ARHGEF9: variants seen among roughly 807,000 people sequenced by gnomAD.
ARHGEF9 encodes the protein rho guanine nucleotide exchange factor 9.
ARHGEF9 carries 2 observed loss-of-function variants against 41.3 expected under a neutral mutation model. The ratio of observed to expected loss-of-function variants is 0.05; its 90% CI spans 0.02 to 0.15. The LOEUF is 0.15. Among genes scored for constraint, ARHGEF9 ranks in the 10% least tolerant of loss-of-function variants. The pLI is 1.00. For synonymous variants in ARHGEF9, 160 were observed against 154.4 expected, an observed-to-expected ratio of 1.04 and a Z score of -0.27; for missense variants, 225 against 424.7, an observed-to-expected ratio of 0.53 and a Z score of 4.13.
chrX:63,635,487 C>G lies in ARHGEF9; in HGVS notation c.*2541G>C. 1 of 500,056 alleles carries G rather than the reference C, an allele frequency of 2.0e-6. No homozygotes were observed. Among genetic ancestry groups the G allele is most frequent in the South Asian group, 2.8e-5 (1 of 36,230 alleles). 41.2% of individuals were successfully genotyped at this position (500,056 alleles called of 1,213,427 possible). A position where few individuals can be genotyped will look rare whatever the true frequency, so the allele number is the denominator to read the frequency against. ...TGTCAGGACATAACAGGTTAGGATA[C>G]TGAACCCAGGTATTTAATTGGGCTC... is the stretch of plus-strand genomic sequence containing the variant. On this transcript the variant is annotated 3_prime_UTR_variant, in exon 10 of 10. Transcript: ENST00000671741.
intron 6 of ARHGEF9, among the ~76,000 whole-genome samples, chrX:63,670,038 C>T (rs1556353332): frequency 8.9e-6 from 1 of 111,800 alleles, no homozygotes; most frequent in African/African-American, 3.3e-5. Flanking sequence ...AGCTTATCTA[C>T]CTTCCTTCCT....
At chrX:63,772,475 T>A (rs782516494) in intron 1 of ARHGEF9, among the ~76,000 whole-genome samples, 1 of 112,074 alleles carries the variant, frequency 8.9e-6, no homozygotes, top group East Asian at 2.8e-4. Flanking sequence ...ATGTGCCTAG[T>A]ACTGCCATGC....
intron 8 of ARHGEF9, among the ~76,000 whole-genome samples, chrX:63,649,018 C>A (rs2048339052): frequency 9.0e-6 from 1 of 111,180 alleles, no homozygotes; most frequent in East Asian, 2.8e-4. Flanking sequence ...TTTAACACCC[C>A]ACTGTCAACA....
chrX:63,715,139 G>C (rs1241715850), intron 2 of ARHGEF9, among the ~76,000 whole-genome samples: 2 of 111,981 alleles, frequency 1.8e-5, no homozygotes, highest in Admixed American at 1.9e-4. Flanking sequence ...CTACCCCTAA[G>C]TCTTCTCCTT....
chrX:63,768,920 G>T (rs2056157432), intron 1 of ARHGEF9, among the ~76,000 whole-genome samples: 2 of 111,729 alleles, frequency 1.8e-5, no homozygotes, highest in African/African-American at 6.5e-5. Context: ...CCCAGTTTCA[G>T]GTATGTATGT....
At chrX:63,761,439 A>G (rs1367155630) in intron 1 of ARHGEF9, among the ~76,000 whole-genome samples, 3 of 112,023 alleles carry the variant, frequency 2.7e-5, no homozygotes, top group African/African-American at 9.7e-5. Flanking sequence ...ATTTTTAATG[A>G]CTGAATAACT....
At chrX:63,714,537 C>T (rs1315784105) in intron 2 of ARHGEF9, among the ~76,000 whole-genome samples, 2 of 111,707 alleles carry the variant, frequency 1.8e-5, no homozygotes, top group African/African-American at 3.3e-5. Flanking sequence ...GGTGAAGACT[C>T]GGGATCCTGA....
Position 63,785,160 on chromosome X carries a change from CCGGCTTCT to C in ARHGEF9, c.-23_-16del. The C allele has an allele frequency of 1.7e-6, 2 of 1,163,928 alleles. No individual in the cohort carries two copies. The highest frequency in any genetic ancestry group is 2.3e-4 in the Middle Eastern group (1 of 4,285). On this transcript the variant is annotated 5_prime_UTR_variant, in exon 1 of 10. Transcript: ENST00000671741. ...ATCCACTGCATGGTGCTTGCGAAGT[CCGGCTTCT>C]CTGAGGCCCCGTAGCTGGCGCGAGT...
intron 1 of ARHGEF9, among the ~76,000 whole-genome samples, chrX:63,759,297 A>T (rs1307879258): frequency 1.8e-5 from 2 of 110,894 alleles, no homozygotes; most frequent in Non-Finnish European, 3.8e-5. Context: ...CTACATTTGG[A>T]GTAGCAATAC....
At chrX:63,682,090 A>T (rs782414765) in intron 4 of ARHGEF9, among the ~76,000 whole-genome samples, 28 of 109,821 alleles carry the variant, frequency 2.5e-4, no homozygotes, top group Non-Finnish European at 4.9e-4. Flanking sequence ...GAATTCTACC[A>T]AATACCCAGA....
chrX:63,700,574 A>C (rs1556394335), intron 3 of ARHGEF9, among the ~76,000 whole-genome samples: 1 of 111,945 alleles, frequency 8.9e-6, no homozygotes, highest in African/African-American at 3.2e-5. Flanking sequence ...AAAATGGGAG[A>C]GGCAATTGGA....
chrX:63,775,097 G>A (rs1286909707), intron 1 of ARHGEF9, among the ~76,000 whole-genome samples: 1 of 112,339 alleles, frequency 8.9e-6, no homozygotes, highest in Non-Finnish European at 1.9e-5. Context: ...TTAATCACTA[G>A]AGAAATGCAA....
At chrX:63,697,444 T>A in intron 3 of ARHGEF9, 140 bp from the exon 4 acceptor site, 1 of 554,899 alleles carries the variant, frequency 1.8e-6, no homozygotes, top group Non-Finnish European at 2.9e-6. Context: ...ATGAGGAAAC[T>A]GAGGTTTACA....
At chrX:63,684,286 A>T (rs150693610) in intron 4 of ARHGEF9, among the ~76,000 whole-genome samples, 2,397 of 111,185 alleles carry the variant, frequency 0.022, 31 homozygotes, top group Non-Finnish European at 0.033. Flanking sequence ...ATCATTAATC[A>T]TCAGGAAAAT....
chrX:63,762,454 C>A (rs2056050283), intron 1 of ARHGEF9, among the ~76,000 whole-genome samples: 1 of 111,392 alleles, frequency 9.0e-6, no homozygotes, highest in South Asian at 3.8e-4. Context: ...GCTGTATTTT[C>A]TGTAGAAGGC....
intron 6 of ARHGEF9, among the ~76,000 whole-genome samples, chrX:63,671,006 G>T (rs2049925257): frequency 8.9e-6 from 1 of 112,212 alleles, no homozygotes; most frequent in African/African-American, 3.2e-5. Flanking sequence ...TTGCCTGCAT[G>T]CTACCCTCCA....
At chrX:63,692,573 G>A (rs12835870) in intron 4 of ARHGEF9, among the ~76,000 whole-genome samples, 322 of 112,184 alleles carry the variant, frequency 2.9e-3, no homozygotes, top group African/African-American at 9.9e-3. Context: ...ATGCTGAAGA[G>A]GATGCAGAGA....
At chrX:63,722,339 G>A (rs1473921949) in intron 2 of ARHGEF9, among the ~76,000 whole-genome samples, 1 of 110,906 alleles carries the variant, frequency 9.0e-6, no homozygotes, top group East Asian at 2.8e-4. Context: ...TTAGTCAAAT[G>A]ATCTTATTTT....
intron 1 of ARHGEF9, 49 bp downstream of exon 1, chrX:63,785,067 G>A: frequency 1.7e-6 from 2 of 1,157,279 alleles, no homozygotes; most frequent in Non-Finnish European, 2.3e-6. Flanking sequence ...AGGTGGGGCT[G>A]GGGGACTGAG....
Sources: gnomAD v4.1 joint callset for allele counts (sites outside exome capture counted in the v4.1 genomes callset) on GRCh38, gnomAD v4.1.1 for gene constraint, MANE v1.5 for transcripts, NCBI Gene and HGNC (gene_info 2026-07-23, HGNC 2026-07-21) for gene names.